Variants in PDGFC observed in about 807,000 individuals in gnomAD.
PDGFC encodes the protein platelet-derived growth factor C.
PDGFC carries 12 observed loss-of-function variants against 35.5 expected under a neutral mutation model. The observed-to-expected ratio is 0.34, with a 90% CI of 0.22 to 0.55. The LOEUF is 0.55. Among genes scored for constraint, PDGFC ranks in the 20% least tolerant of loss-of-function variants. The pLI is 0.91. For synonymous variants in PDGFC, 159 were observed against 148.8 expected (o/e 1.07, Z -0.50); for missense variants, 322 against 412.4 (o/e 0.78, Z 1.90).
intron 2 of PDGFC, among the ~76,000 whole-genome samples, chr4:156,838,443 G>A (rs541540379): frequency 1.4e-4 from 22 of 152,274 alleles, no homozygotes; most frequent in Non-Finnish European, 2.2e-4. Context: ...GAGCTTTTGC[G>A]GAAAACTTTT....
intron 3 of PDGFC, among the ~76,000 whole-genome samples, chr4:156,803,644 G>A (rs1330157916): frequency 6.6e-6 from 1 of 152,110 alleles, no homozygotes; most frequent in African/African-American, 2.4e-5. Context: ...AATCATTTAG[G>A]AAGGGGAAAG....
At chr4:156,899,228 C>T (rs1463134296) in intron 1 of PDGFC, among the ~76,000 whole-genome samples, 1 of 152,152 alleles carries the variant, frequency 6.6e-6, no homozygotes, top group African/African-American at 2.4e-5. Context: ...ACTGAATCCA[C>T]AAAATGGTGT....
chr4:156,936,119 C>A (rs1731674294), intron 1 of PDGFC, among the ~76,000 whole-genome samples: 1 of 152,168 alleles, frequency 6.6e-6, no homozygotes, highest in Admixed American at 6.5e-5. Context: ...ACTAAAAACA[C>A]CTTGCTACTT....
intron 3 of PDGFC, among the ~76,000 whole-genome samples, chr4:156,794,164 C>T (rs1230266633): frequency 6.6e-6 from 1 of 152,118 alleles, no homozygotes; most frequent in African/African-American, 2.4e-5. Context: ...TCAGCTTGAT[C>T]TTTTCATAGC....
chr4:156,820,121 C>T (rs1732207915), intron 2 of PDGFC, among the ~76,000 whole-genome samples: 2 of 152,102 alleles, frequency 1.3e-5, no homozygotes, highest in South Asian at 4.1e-4. Context: ...GATGGGCAAA[C>T]AAAATGGTTT....
chr4:156,880,272 G>A (rs1219579240), intron 1 of PDGFC, among the ~76,000 whole-genome samples: 2 of 152,066 alleles, frequency 1.3e-5, no homozygotes, highest in South Asian at 2.1e-4. Context: ...CACCATTGGT[G>A]AATTGAAGTT....
rs751604570 is a variant in PDGFC at position 156,767,782 on chromosome 4, T to C, written c.912A>G (p.Lys304=). 2 of 1,607,886 alleles carry C rather than the reference T, an allele frequency of 1.2e-6. No homozygotes were observed. The highest frequency in any genetic ancestry group is 1.7e-6 in the Non-Finnish European group (2 of 1,174,560). The change falls in exon 5 of 6, where the codon AAA becomes AAG. Residue 304 remains lysine, a synonymous_variant. Transcript: ENST00000502773. ...AAAATTGTATACCTACCTCGTGGTA[T>C]TTTTTAGTAACTTTGCTTGGGACAC... ...CQCVPSKVTK[K]YHEVLQLRPK... is the part of the protein sequence containing the mutation.
chr4:156,870,690 C>G (rs1729960354), intron 1 of PDGFC, among the ~76,000 whole-genome samples: 1 of 152,078 alleles, frequency 6.6e-6, no homozygotes. Context: ...ATGTTCAACC[C>G]TAAGCCGTTG....
Position 156,955,318 on chromosome 4 carries a change from G to A in PDGFC, c.118+15468C>T, listed in dbSNP as rs1387431545. Among the ~76,000 whole-genome samples the A allele has an allele frequency of 2.6e-5, 4 of 151,826 alleles. No individual in the cohort carries two copies. The East Asian group carries it at 7.8e-4, about 30-fold the overall frequency. Reference sequence around the variant, plus strand: ...CTTCTCTGTCCTTTACAATCATCCTGAAGTACCTTTATTTTGGAAAGAAAA... The same window carrying A: ...CTTCTCTGTCCTTTACAATCATCCTAAAGTACCTTTATTTTGGAAAGAAAA... On this transcript the variant is annotated intron_variant, in intron 1 of 5. Transcript: ENST00000502773.
intron 1 of PDGFC, among the ~76,000 whole-genome samples, chr4:156,889,547 A>G (rs1730454243): frequency 6.6e-6 from 1 of 152,212 alleles, no homozygotes; most frequent in South Asian, 2.1e-4. Flanking sequence ...GTTTCTTAAC[A>G]TTCTTCATGT....
At chr4:156,858,481 C>T (rs187305255) in intron 1 of PDGFC, among the ~76,000 whole-genome samples, 251 of 152,092 alleles carry the variant, frequency 1.7e-3, no homozygotes, top group Admixed American at 4.2e-3. Flanking sequence ...GCACACCCCA[C>T]TTAGTGAAAC....
Position 156,832,813 on chromosome 4 carries a change from G to A in PDGFC, c.314+17408C>T, listed in dbSNP as rs1453905662. On this transcript the variant is annotated intron_variant, in intron 2 of 5. Transcript: ENST00000502773. The stretch of plus-strand genomic sequence containing the variant: ...TCCAATATGTCGGTCTGCAGGGCCT[G>A]CTGCTGGACTATAGTATATGCGGAT... Among the ~76,000 whole-genome samples the A allele has an allele frequency of 3.3e-5, 5 of 152,314 alleles. No homozygotes were observed. In the East Asian group the frequency reaches 9.7e-4, roughly 29 times the overall value.
chr4:156,797,013 G>A (rs567671876), intron 3 of PDGFC, among the ~76,000 whole-genome samples: 4 of 151,936 alleles, frequency 2.6e-5, no homozygotes, highest in South Asian at 2.1e-4. Context: ...CGAGCAGAGC[G>A]GATCATGAGG....
chr4:156,927,033 C>A (rs1227841251), intron 1 of PDGFC, among the ~76,000 whole-genome samples: 1 of 152,212 alleles, frequency 6.6e-6, no homozygotes, highest in African/African-American at 2.4e-5. Flanking sequence ...CAATTTTTGG[C>A]TTCTGCACAC....
intron 1 of PDGFC, among the ~76,000 whole-genome samples, chr4:156,946,658 T>C (rs1731955523): frequency 6.6e-6 from 1 of 152,056 alleles, no homozygotes; most frequent in Admixed American, 6.6e-5. Context: ...AGACACGTCA[T>C]GATGAGACAG....
chr4:156,967,965 T>C (rs1732504502), intron 1 of PDGFC, among the ~76,000 whole-genome samples: 3 of 152,212 alleles, frequency 2.0e-5, no homozygotes, highest in Non-Finnish European at 4.4e-5. Flanking sequence ...GATAAAACTT[T>C]GTACAGTAAA....
chr4:156,897,577 C>T (rs1025804295), intron 1 of PDGFC, among the ~76,000 whole-genome samples: 5 of 152,014 alleles, frequency 3.3e-5, no homozygotes, highest in Non-Finnish European at 7.4e-5. Flanking sequence ...TTTTTTTCTA[C>T]ATTAAAAATG....
intron 1 of PDGFC, among the ~76,000 whole-genome samples, chr4:156,854,665 C>T (rs1729532068): frequency 6.6e-6 from 1 of 152,068 alleles, no homozygotes; most frequent in Non-Finnish European, 1.5e-5. Flanking sequence ...CAAATTAAGA[C>T]ACTGTGCTTA....
intron 2 of PDGFC, among the ~76,000 whole-genome samples, chr4:156,813,872 G>T (rs1018983745): frequency 2.6e-5 from 4 of 152,112 alleles, no homozygotes; most frequent in Non-Finnish European, 5.9e-5. Context: ...AATATCATTA[G>T]CTTTGGGTGA....
Sources: gnomAD v4.1 joint callset for allele counts (sites outside exome capture counted in the v4.1 genomes callset) on GRCh38, gnomAD v4.1.1 for gene constraint, MANE v1.5 for transcripts, NCBI Gene and HGNC (gene_info 2026-07-23, HGNC 2026-07-21) for gene names.